BTD: variants seen among roughly 807,000 people sequenced by gnomAD.
The protein encoded by BTD is biotinidase.
In BTD, 13 loss-of-function variants were observed where a neutral mutation model predicts 17.7. The observed-to-expected ratio is 0.74, with a 90% CI of 0.48 to 1.17. BTD has a LOEUF of 1.17. Among genes scored for constraint, BTD ranks in the 50% most tolerant of loss-of-function variants. The pLI, the probability that BTD is intolerant of heterozygous loss-of-function variation, is 0.00. For synonymous variants in BTD, 240 were observed against 245.2 expected (o/e 0.98, Z 0.20); for missense variants, 674 against 650.4 (o/e 1.04, Z -0.39).
intron 1 of BTD, chr3:15,606,525 G>A (rs1036350065): frequency 2.6e-5 from 4 of 152,226 alleles, no homozygotes; most frequent in Non-Finnish European, 5.9e-5. Flanking sequence ...AAAAGAAACA[G>A]TGACAGAACC....
chr3:15,702,818 C>G (rs1323839857), intron 3 of BTD, among the ~76,000 whole-genome samples: 1 of 151,984 alleles, frequency 6.6e-6, no homozygotes, highest in African/African-American at 2.4e-5. Flanking sequence ...TTCTTACCAC[C>G]CCCCACCACC....
At chr3:15,719,265 T>C (rs1401099046) in intron 4 of BTD, among the ~76,000 whole-genome samples, 1 of 152,192 alleles carries the variant, frequency 6.6e-6, no homozygotes, top group African/African-American at 2.4e-5. Context: ...GTGGCATCAT[T>C]AAAGGCTTCA....
At position 15,635,593 on chromosome 3, in the gene BTD, A is replaced by G; in HGVS notation, c.154A>G (p.Asn52Asp). The G allele has an allele frequency of 6.2e-7, 1 of 1,614,180 alleles. No homozygotes were observed. The highest frequency in any genetic ancestry group is 8.5e-7 in the Non-Finnish European group (1 of 1,180,036). Residue 52 changes from asparagine (N) to aspartate (D), a missense_variant, in exon 2 of 4, where the codon AAC (asparagine) becomes GAC (aspartate). Coordinates refer to ENST00000643237, the MANE Select transcript of BTD (RefSeq NM_001370658.1). This position sits in a 1 kb window ranked among gnomAD's most constrained non-coding sequence, Gnocchi z 4.1. ...VYEHPSILSLNPLALISRQEA... is the reference protein window; with the variant it reads ...VYEHPSILSLDPLALISRQEA... ...TGAGCATCCATCCATCCTGAGTCTG[A>G]ACCCTCTGGCTCTCATCAGCCGCCA...
downstream of BTD, among the ~76,000 whole-genome samples, chr3:15,657,523 A>G (rs1178139114): frequency 1.4e-4 from 22 of 152,242 alleles, no homozygotes; most frequent in Admixed American, 1.4e-3. Flanking sequence ...GGTTTTGAAC[A>G]TAAGCAGTTT....
At chr3:15,601,708 T>C (rs1399877596), upstream of BTD, 1 of 1,562,176 alleles carries the variant, frequency 6.4e-7, no homozygotes, top group Admixed American at 1.9e-5. Flanking sequence ...GGCTCCTCCA[T>C]TCGCGCGCCA....
chr3:15,616,197 T>C (rs941790423), intron 1 of BTD, among the ~76,000 whole-genome samples: 1 of 152,184 alleles, frequency 6.6e-6, no homozygotes, highest in African/African-American at 2.4e-5. Flanking sequence ...ATGATAAGAG[T>C]ATGCTTCATT....
rs138293824 is a variant in BTD at position 15,629,729 on chromosome 3, G to A, written c.-16-5695G>A. On this transcript the variant is annotated intron_variant, in intron 1 of 3. Coordinates refer to ENST00000643237, the MANE Select transcript of BTD (RefSeq NM_001370658.1). Reference sequence around the variant, plus strand: ...TTAGTACAGACAGGGTTTCACCTCCGCAGTGGTCATTAAAGCTTGACCACT... The same window carrying A: ...TTAGTACAGACAGGGTTTCACCTCCACAGTGGTCATTAAAGCTTGACCACT... Among the ~76,000 whole-genome samples, 205 of 152,132 alleles carry A rather than the reference G, an allele frequency of 1.3e-3. 2 individuals carry two copies. Among genetic ancestry groups the A allele is most frequent in the African/African-American group, 4.7e-3 (194 of 41,494 alleles).
intron 1 of BTD, among the ~76,000 whole-genome samples, chr3:15,603,850 G>T (rs558403765): frequency 1.3e-5 from 2 of 152,280 alleles, no homozygotes; most frequent in African/African-American, 4.8e-5. Context: ...GCTCCAAAAT[G>T]ATCTTTGGAT....
Position 15,712,002 on chromosome 3 carries a change from C to T in BTD, c.*1928C>T, listed in dbSNP as rs116666790. On this transcript the variant is annotated 3_prime_UTR_variant, in exon 4 of 4. Coordinates refer to the BTD transcript ENST00000672141. The stretch of plus-strand genomic sequence containing the variant: ...TGAGCCACCACGCCAGACCTGAACC[C>T]AACACGTTCTAAAAGGGGTTATTAA... The T allele has an allele frequency of 1.3e-3, 933 of 692,066 alleles. 4 individuals are homozygous for T. In the African/African-American group the frequency reaches 0.015, roughly 11 times the overall value. The allele number at this position is 692,066 out of a possible 1,614,324, so 42.9% of individuals were successfully genotyped here. A position where few individuals can be genotyped will look rare whatever the true frequency, so the allele number is the denominator to read the frequency against.
At chr3:15,685,605 G>T (rs2068017231) in intron 3 of BTD, among the ~76,000 whole-genome samples, 2 of 152,110 alleles carry the variant, frequency 1.3e-5, no homozygotes, top group Admixed American at 6.5e-5. Flanking sequence ...ATTGGAAGTG[G>T]TTTAAAAATT....
rs2069153737 is a variant in BTD, at chr3:15,693,870, AC to A, written c.400-16187del. 3.9e-5 allele frequency among the ~76,000 whole-genome samples: 6 copies of A among 152,274 alleles called. No homozygotes were observed. The South Asian group carries it at 1.2e-3, about 32-fold the overall frequency. On this transcript the variant is annotated intron_variant, in intron 3 of 3. Coordinates refer to the BTD transcript ENST00000672141. ...AATGTATATATGTCAGTGTTAAAAC[AC>A]CCGCAAGGAGAATATTAAGATAAAA...
chr3:15,629,780 A>C (rs559233647), intron 1 of BTD, among the ~76,000 whole-genome samples: 1 of 152,160 alleles, frequency 6.6e-6, no homozygotes, highest in Admixed American at 6.5e-5. Flanking sequence ...TTCAACATGC[A>C]CTAGGCAGGC....
At position 15,625,505 on chromosome 3, in the gene BTD, T is replaced by C. The variant is rs191503335; in HGVS notation, c.-16-9919T>C. Among the ~76,000 whole-genome samples, 244 of 152,318 alleles carry C rather than the reference T, an allele frequency of 1.6e-3. 2 individuals are homozygous for C. Among genetic ancestry groups the C allele is most frequent in the African/African-American group, 5.7e-3 (235 of 41,580 alleles). Reference sequence around the variant, plus strand: ...CTACAAAAGTGCGGGTGCCTCCATCTAAGACTGGGTCCCTCTGGAGTTGTT... The same window carrying C: ...CTACAAAAGTGCGGGTGCCTCCATCCAAGACTGGGTCCCTCTGGAGTTGTT... On this transcript the variant is annotated intron_variant, in intron 1 of 3. Coordinates refer to ENST00000643237, the MANE Select transcript of BTD (RefSeq NM_001370658.1).
chr3:15,688,246 A>T (rs35256542), intron 3 of BTD, among the ~76,000 whole-genome samples: 7,324 of 152,306 alleles, frequency 0.048, 253 homozygotes, highest in Admixed American at 0.1. Context: ...TAATATTTTT[A>T]AAATGTACTT....
chr3:15,679,274 C>T (rs924244385), intron 3 of BTD: 3 of 1,608,806 alleles, frequency 1.9e-6, no homozygotes, highest in Admixed American at 3.3e-5. Context: ...CTGGCTAAAA[C>T]TATTTAATAC....
intron 3 of BTD, chr3:15,685,478 T>C (rs1226243359): frequency 1.2e-6 from 2 of 1,600,424 alleles, no homozygotes; most frequent in East Asian, 2.2e-5. Flanking sequence ...TAGTCAAACA[T>C]ATTATGCTAA....
chr3:15,614,814 C>T (rs549960371), intron 1 of BTD, among the ~76,000 whole-genome samples: 41 of 151,900 alleles, frequency 2.7e-4, no homozygotes, highest in Non-Finnish European at 5.2e-4. Context: ...CCATGCTGGC[C>T]TCCAACTCCT....
At chr3:15,607,169 A>G (rs1244757812) in intron 1 of BTD, among the ~76,000 whole-genome samples, 1 of 152,098 alleles carries the variant, frequency 6.6e-6, no homozygotes, top group Non-Finnish European at 1.5e-5. Flanking sequence ...GGCAATAGGT[A>G]TAAAATTTTA....
rs1001349760 is a variant in BTD at position 15,652,052 on chromosome 3, G to A, written c.*6564G>A. Among the ~76,000 whole-genome samples the A allele has an allele frequency of 6.6e-6, 1 of 152,246 alleles. No individual in the cohort carries two copies. The highest frequency in any genetic ancestry group is 2.4e-5 in the African/African-American group (1 of 41,470). On this transcript the variant is annotated 3_prime_UTR_variant, in exon 4 of 4. Transcript: ENST00000643237. Reference sequence around the variant, plus strand: ...GGGTTATAAAAGGTACTGCAGACCGGGCACGGTGGCTTACGCCTGTAATCC... The same window carrying A: ...GGGTTATAAAAGGTACTGCAGACCGAGCACGGTGGCTTACGCCTGTAATCC...
Sources: gnomAD v4.1 joint callset for allele counts (sites outside exome capture counted in the v4.1 genomes callset) on GRCh38, gnomAD v4.1.1 for gene constraint, Gnocchi (gnomAD v3.1) non-coding constraint, MANE v1.5 for transcripts, NCBI Gene and HGNC (gene_info 2026-07-23, HGNC 2026-07-21) for gene names.